The following GUSB variants were observed in gnomAD, a reference collection of about 807,000 sequenced individuals.
GUSB encodes glucuronidase beta, also known as beta-glucuronidase.
GUSB carries 51 observed loss-of-function variants against 74.6 expected under a neutral mutation model. The observed-to-expected ratio is 0.68, with a 90% CI of 0.55 to 0.86. The LOEUF (loss-of-function observed/expected upper bound fraction) is 0.86, where lower values mean the gene tolerates loss of function less well. Among genes scored for constraint, GUSB ranks in the 40% least tolerant of loss-of-function variants. The pLI, the probability that GUSB is intolerant of heterozygous loss-of-function variation, is 0.00. For synonymous variants in GUSB, 360 were observed against 348.3 expected (o/e 1.03, Z -0.37); for missense variants, 736 against 853.7 (o/e 0.86, Z 1.72).
At chr7:65,980,112 G>A in intron 2 of GUSB, 112 bp downstream of exon 2, 1 of 1,147,686 alleles carries the variant, frequency 8.7e-7, no homozygotes. Context: ...GGCAGGGCAG[G>A]ACCCCCCACC....
intron 5 of GUSB, 106 bp from the exon 6 acceptor site, chr7:65,975,177 G>T: frequency 1.0e-6 from 1 of 966,924 alleles, no homozygotes; most frequent in Non-Finnish European, 1.6e-6. Flanking sequence ...CTGCCTCTGG[G>T]CCTGTAAGCA....
rs749520560 is a variant in GUSB, at chr7:65,974,578, G to T, written c.1192C>A (p.Arg398Ser). ...TCATCGATGACCACAATCCCATAGC[G>T]GTCACACATCTGCATCACTTCCTCT... ...YAEEVMQMCD[R>S]YGIVVIDECP... The change falls in exon 7 of 12, where the codon CGC becomes AGC. Residue 398 changes from arginine (R) to serine (S), a missense_variant. Arg to Ser is a moderately radical substitution (Grantham distance 110). This residue lies in a region of GUSB where 368 missense variants were observed against 489.9 expected (regional missense o/e 0.75). Transcript: ENST00000304895. 2 of 1,614,188 alleles carry T rather than the reference G, an allele frequency of 1.2e-6. No homozygotes were observed. Among genetic ancestry groups the T allele is most frequent in the Non-Finnish European group, 1.7e-6 (2 of 1,180,050 alleles).
Position 65,982,034 on chromosome 7 carries a change from G to A in GUSB, c.150C>T (p.Asp50=), listed in dbSNP as rs752931066. 4.3e-6 allele frequency: 7 copies of A among 1,610,584 alleles called. No homozygotes were observed. The East Asian group carries it at 8.9e-5, about 21-fold the overall frequency. Residue 50 remains aspartate (D), a synonymous_variant, in exon 1 of 12, where the codon GAC becomes GAT. Transcript: ENST00000304895. The part of the protein sequence containing the change: ...ELDGLWSFRA[D]FSDNRRRGFE... ...AGCCCCGGCGTCGGTTGTCAGAGAA[G>A]TCGGCGCGGAAGCTCCAGAGGCCGT...
chr7:65,972,999 C>G (rs1336517091), intron 8 of GUSB, among the ~76,000 whole-genome samples: 1 of 152,196 alleles, frequency 6.6e-6, no homozygotes, highest in Non-Finnish European at 1.5e-5. Flanking sequence ...AGTGAAAAAT[C>G]CAACTCTGAA....
chr7:65,970,601 C>A (rs1347561742), intron 8 of GUSB, among the ~76,000 whole-genome samples: 1 of 151,616 alleles, frequency 6.6e-6, no homozygotes, highest in African/African-American at 2.4e-5. Context: ...ACTACAAATA[C>A]AAAAATTAGC....
At chr7:65,973,265 C>T (rs1791332200) in intron 8 of GUSB, among the ~76,000 whole-genome samples, 1 of 151,932 alleles carries the variant, frequency 6.6e-6, no homozygotes, top group African/African-American at 2.4e-5. Flanking sequence ...CAGCCTGGCC[C>T]AACATAGTGA....
At chr7:65,964,165 T>TA (rs1405607112) in intron 11 of GUSB, 158 bp downstream of exon 11, 2 of 768,562 alleles carry the variant, frequency 2.6e-6, no homozygotes, top group East Asian at 5.2e-5. Context: ...AAACACAACT[T>TA]ACTTTTCCTA....
At chr7:65,981,658 G>C (rs1792031788) in intron 1 of GUSB, among the ~76,000 whole-genome samples, 1 of 152,146 alleles carries the variant, frequency 6.6e-6, no homozygotes, top group African/African-American at 2.4e-5. Context: ...TGGGAAACAG[G>C]TGCAAACCCA....
At chr7:65,975,894 A>G in intron 5 of GUSB, 121 bp downstream of exon 5, 1 of 758,198 alleles carries the variant, frequency 1.3e-6, no homozygotes, top group Non-Finnish European at 2.2e-6. Context: ...CAAGGGTGAG[A>G]AACATCAGAA....
At chr7:65,967,963 T>C in intron 9 of GUSB, 56 bp from the exon 10 acceptor site, 1 of 1,417,378 alleles carries the variant, frequency 7.1e-7, no homozygotes, top group Non-Finnish European at 9.9e-7. Flanking sequence ...TGACTCAGCA[T>C]TCACACACTG....
In GUSB at chr7:65,976,214, AAGAG is replaced by A; in HGVS notation, c.725-16_725-13del. The A allele has an allele frequency of 6.2e-7, 1 of 1,603,822 alleles. No homozygotes were observed. Among genetic ancestry groups the A allele is most frequent in the Non-Finnish European group, 8.5e-7 (1 of 1,173,476 alleles). ...GTAATTCACCAGCCCTGCAAGAAAC[AAGAG>A]AGACCAGGGCTGAGGGAGGGACACG... is the stretch of plus-strand genomic sequence containing the variant. On this transcript the variant is annotated splice_polypyrimidine_tract_variant and intron_variant, in intron 4 of 11. Coordinates refer to ENST00000304895, the MANE Select transcript of GUSB (RefSeq NM_000181.4).
chr7:65,980,258 A>G lies in GUSB; in HGVS notation c.362T>C (p.Leu121Pro). Reference protein sequence around the residue: ...WTQDLRTRVVLRIGSAHSYAI... With the variant: ...WTQDLRTRVVPRIGSAHSYAI... ...ATAGGAATGGGCACTGCCAATCCTC[A>G]GCACCACTCTTGTGCGCAGGTCCTG... Residue 121 changes from leucine (L) to proline (P), a missense_variant, in exon 2 of 12, where the codon CTG becomes CCG. This residue lies in a region of GUSB where 368 missense variants were observed against 363.8 expected (regional missense o/e 1.01). Coordinates refer to ENST00000304895, the MANE Select transcript of GUSB (RefSeq NM_000181.4). 6.4e-7 allele frequency: 1 copy of G among 1,564,136 alleles called. No homozygotes were observed. Among genetic ancestry groups the G allele is most frequent in the East Asian group, 2.4e-5 (1 of 41,496 alleles).
Position 65,974,907 on chromosome 7 carries a change from G to A in GUSB, c.1065+12C>T, listed in dbSNP as rs1275660720. On this transcript the variant is annotated intron_variant, in intron 6 of 11. Coordinates refer to ENST00000304895, the MANE Select transcript of GUSB (RefSeq NM_000181.4). ...AAGCAGCCCCGACAAGGACCCAGGA[G>A]CCCCAACACACGTCCGCATCCTCAT... The A allele has an allele frequency of 6.2e-7, 1 of 1,612,936 alleles. No homozygotes were observed. Among genetic ancestry groups the A allele is most frequent in the East Asian group, 2.2e-5 (1 of 44,884 alleles).
rs546117603 is a variant in GUSB, at chr7:65,980,943, G to A, written c.211-534C>T. The A allele has an allele frequency of 2.6e-4, 53 of 205,584 alleles. 1 individual carries two copies. The South Asian group carries it at 4.3e-3, about 17-fold the overall frequency. 12.7% of individuals were successfully genotyped at this position (205,584 alleles called of 1,614,324 possible). A position where few individuals can be genotyped will look rare whatever the true frequency, so the allele number is the denominator to read the frequency against. On this transcript the variant is annotated intron_variant, in intron 1 of 11. Transcript: ENST00000304895. Reference sequence around the variant, plus strand: ...AAGTCAGGAGGGGAACAGGGGTGGCGTCCTGGGCCTGATGTCATGTCCTGT... The same window carrying A: ...AAGTCAGGAGGGGAACAGGGGTGGCATCCTGGGCCTGATGTCATGTCCTGT...
chr7:65,966,428 G>GA (rs999578702), intron 10 of GUSB, among the ~76,000 whole-genome samples: 6 of 146,978 alleles, frequency 4.1e-5, no homozygotes, highest in African/African-American at 5.0e-5. Flanking sequence ...GAATCCACAG[G>GA]AAAAAAAAAA....
intron 8 of GUSB, among the ~76,000 whole-genome samples, chr7:65,971,032 A>T (rs1282369092): frequency 6.6e-6 from 1 of 151,974 alleles, no homozygotes; most frequent in Non-Finnish European, 1.5e-5. Flanking sequence ...TTCTACCCCC[A>T]TCTCCGAATC....
At chr7:65,979,343 G>A (rs1791820270) in intron 4 of GUSB, 56 bp downstream of exon 4, 1 of 1,550,988 alleles carries the variant, frequency 6.4e-7, no homozygotes, top group Admixed American at 1.7e-5. Flanking sequence ...TTCCAAACAG[G>A]GAACAAACAG....
intron 9 of GUSB, among the ~76,000 whole-genome samples, chr7:65,969,873 G>A (rs893706291): frequency 1.1e-4 from 17 of 152,236 alleles, no homozygotes; most frequent in African/African-American, 2.6e-4. Flanking sequence ...CTATTAAATC[G>A]AAGTGCAAAA....
chr7:65,977,833 T>C (rs1264909102), intron 4 of GUSB, among the ~76,000 whole-genome samples: 1 of 151,866 alleles, frequency 6.6e-6, no homozygotes, highest in Non-Finnish European at 1.5e-5. Context: ...TTTTTTGACA[T>C]GGAGTCTCGC....
Sources: allele counts gnomAD v4.1 joint callset (sites outside exome capture counted in the v4.1 genomes callset), GRCh38; gene constraint gnomAD v4.1.1; regional missense constraint gnomAD v4.1.1; transcripts MANE v1.5; gene names NCBI Gene and HGNC (gene_info 2026-07-23, HGNC 2026-07-21).